The following GABBR2 variants were observed in gnomAD, a reference collection of about 807,000 sequenced individuals.
The protein encoded by GABBR2 is G-protein coupled receptor 51.
Under a neutral mutation model 105.6 loss-of-function variants are expected in GABBR2, and 23 were observed. The observed-to-expected ratio is 0.22, with a 90% CI of 0.16 to 0.31. GABBR2 has a LOEUF of 0.31. Ranked by LOEUF, GABBR2 falls within the 10% of genes least tolerant of loss-of-function variation. The pLI, the probability that GABBR2 is intolerant of heterozygous loss-of-function variation, is 1.00. For synonymous variants in GABBR2, 478 were observed against 499.7 expected (o/e 0.96, Z 0.58); for missense variants, 734 against 1,245.5 (o/e 0.59, Z 6.18).
At chr9:98,321,132 A>G (rs1053153321) in intron 13 of GABBR2, among the ~76,000 whole-genome samples, 1 of 152,140 alleles carries the variant, frequency 6.6e-6, no homozygotes. Context: ...GGACCTTCCC[A>G]GGACTCGGCC....
chr9:98,598,647 G>T (rs1445354244), intron 1 of GABBR2, among the ~76,000 whole-genome samples: 1 of 151,362 alleles, frequency 6.6e-6, no homozygotes, highest in African/African-American at 2.4e-5. Context: ...TGGGGCGGGT[G>T]GGGTGGGACT....
intron 11 of GABBR2, among the ~76,000 whole-genome samples, chr9:98,378,292 C>T (rs1013802058): frequency 3.3e-5 from 5 of 152,154 alleles, no homozygotes; most frequent in African/African-American, 1.2e-4. Context: ...CCCACCCCTG[C>T]CTAGCTGCCA....
At chr9:98,457,072 T>G (rs1342364975) in intron 6 of GABBR2, among the ~76,000 whole-genome samples, 1 of 152,252 alleles carries the variant, frequency 6.6e-6, no homozygotes. Flanking sequence ...TACTGACCAT[T>G]TTAAAAGGAT....
At chr9:98,559,838 G>A (rs1828639622) in intron 2 of GABBR2, among the ~76,000 whole-genome samples, 1 of 150,632 alleles carries the variant, frequency 6.6e-6, no homozygotes, top group African/African-American at 2.4e-5. Flanking sequence ...CTGTGCATCT[G>A]TGAAAAAAAA....
intron 1 of GABBR2, among the ~76,000 whole-genome samples, chr9:98,661,542 A>G (rs1297207306): frequency 6.6e-6 from 1 of 152,036 alleles, no homozygotes; most frequent in East Asian, 1.9e-4. Flanking sequence ...CTGGGATTAC[A>G]GGCGCATACC....
intron 6 of GABBR2, among the ~76,000 whole-genome samples, chr9:98,468,148 G>A (rs1826598469): frequency 1.3e-5 from 2 of 152,166 alleles, no homozygotes; most frequent in Non-Finnish European, 2.9e-5. Flanking sequence ...CCCAACGCAG[G>A]ACAGTCCAAT....
chr9:98,467,041 C>T (rs1472979498), intron 6 of GABBR2, among the ~76,000 whole-genome samples: 2 of 152,166 alleles, frequency 1.3e-5, no homozygotes, highest in Admixed American at 6.5e-5. Context: ...GGCCATATCC[C>T]CCTTTAATAG....
rs1831729778 is a variant in GABBR2, at chr9:98,368,937, C to T, written c.1770+2527G>A. Among the ~76,000 whole-genome samples the T allele has an allele frequency of 2.6e-5, 4 of 152,344 alleles. No individual in the cohort carries two copies. The South Asian group carries it at 8.3e-4, about 32-fold the overall frequency. On this transcript the variant is annotated intron_variant, in intron 12 of 18. Transcript: ENST00000259455. ...GGGCGGGGCCCAGGAACTTGCATTT[C>T]TAACAGCTTGCAGGGCAGCCGCACT...
At chr9:98,324,493 GACACACACACACACACAC>G (rs3983548) in intron 13 of GABBR2, among the ~76,000 whole-genome samples, 1,598 of 143,370 alleles carry the variant, frequency 0.011, 18 homozygotes, top group East Asian at 0.039. Context: ...CTACAGAGCC[GACACACACACACACACAC>G]ACACACACAC....
chr9:98,532,939 A>G (rs6478747), intron 3 of GABBR2, among the ~76,000 whole-genome samples: 15,578 of 152,196 alleles, frequency 0.1, 963 homozygotes, highest in African/African-American at 0.16. Context: ...CATCATCTAT[A>G]AGCAAGCACG....
At chr9:98,299,558 AC>A (rs1260280496) in intron 16 of GABBR2, among the ~76,000 whole-genome samples, 1 of 152,198 alleles carries the variant, frequency 6.6e-6, no homozygotes, top group African/African-American at 2.4e-5. Context: ...GATAAGAGGG[AC>A]CTGGGCTTTG....
intron 1 of GABBR2, among the ~76,000 whole-genome samples, chr9:98,594,532 G>A (rs1483615756): frequency 1.3e-5 from 2 of 152,192 alleles, no homozygotes; most frequent in Non-Finnish European, 2.9e-5. Flanking sequence ...TGCTGGAGGG[G>A]TGGGGCCCAG....
chr9:98,418,145 T>G (rs1832720792), intron 7 of GABBR2, among the ~76,000 whole-genome samples: 1 of 151,846 alleles, frequency 6.6e-6, no homozygotes, highest in African/African-American at 2.4e-5. Flanking sequence ...GGAAAATGGA[T>G]GGGCATGGGG....
chr9:98,681,508 T>C (rs942836128), intron 1 of GABBR2, among the ~76,000 whole-genome samples: 8 of 151,224 alleles, frequency 5.3e-5, no homozygotes, highest in African/African-American at 9.7e-5. Context: ...TGGTGCAGCG[T>C]ACCAGCATGG....
chr9:98,402,369 A>T (rs148152628), intron 8 of GABBR2, among the ~76,000 whole-genome samples: 2 of 152,170 alleles, frequency 1.3e-5, no homozygotes, highest in East Asian at 3.9e-4. Flanking sequence ...ATTCATCCTC[A>T]TCTACACGTG....
At chr9:98,573,614 G>A (rs556172696) in intron 2 of GABBR2, among the ~76,000 whole-genome samples, 2 of 152,122 alleles carry the variant, frequency 1.3e-5, no homozygotes, top group African/African-American at 4.8e-5. Flanking sequence ...TGTTAATTGA[G>A]GTAAAATATA....
At chr9:98,646,780 C>G (rs1465396850) in intron 1 of GABBR2, among the ~76,000 whole-genome samples, 1 of 152,128 alleles carries the variant, frequency 6.6e-6, no homozygotes, top group Non-Finnish European at 1.5e-5. Context: ...GGCACAAAGT[C>G]CCAAGGCTAG....
At chr9:98,533,659 A>T (rs1828113274) in intron 3 of GABBR2, among the ~76,000 whole-genome samples, 1 of 152,154 alleles carries the variant, frequency 6.6e-6, no homozygotes, top group African/African-American at 2.4e-5. Context: ...TGGGTGAGAG[A>T]TGAGGAAGCA....
At chr9:98,557,488 A>G (rs1828607342) in intron 2 of GABBR2, among the ~76,000 whole-genome samples, 1 of 152,194 alleles carries the variant, frequency 6.6e-6, no homozygotes, top group African/African-American at 2.4e-5. Flanking sequence ...TACGGTCAAT[A>G]TGAAGAAGAA....
Sources: allele counts gnomAD v4.1 joint callset (sites outside exome capture counted in the v4.1 genomes callset), GRCh38; gene constraint gnomAD v4.1.1; transcripts MANE v1.5; gene names NCBI Gene and HGNC (gene_info 2026-07-23, HGNC 2026-07-21).